The following ADGRL3 variants were observed in gnomAD, a reference collection of about 807,000 sequenced individuals.
The protein encoded by ADGRL3 is adhesion G protein-coupled receptor L3.
In ADGRL3, 62 loss-of-function variants were observed where a neutral mutation model predicts 153.5. The observed-to-expected ratio is 0.40, with a 90% CI of 0.33 to 0.50. ADGRL3 has a LOEUF of 0.50. Ranked by LOEUF, ADGRL3 falls within the 20% of genes least tolerant of loss-of-function variation. The pLI is 0.47. For synonymous variants in ADGRL3, 710 were observed against 672.5 expected, an observed-to-expected ratio of 1.06 and a Z score of -0.86; for missense variants, 1,641 against 1,859.4, an observed-to-expected ratio of 0.88 and a Z score of 2.16.
At chr4:61,828,154 C>T (rs2097830359) in intron 9 of ADGRL3, among the ~76,000 whole-genome samples, 1 of 152,154 alleles carries the variant, frequency 6.6e-6, no homozygotes, top group Non-Finnish European at 1.5e-5. Context: ...CACCTCTGGT[C>T]ACCAAATGGT....
At position 61,719,988 on chromosome 4, in the gene ADGRL3, A is replaced by T. The variant is rs144509572; in HGVS notation, c.584-10634A>T. On this transcript the variant is annotated intron_variant, in intron 6 of 26. Coordinates refer to ENST00000683033, the MANE Select transcript of ADGRL3 (RefSeq NM_001387552.1). Reference sequence around the variant, plus strand: ...TTGTGCCTTGTAAGTCTGGAATGTGATACTGCCTTAAATGATGTCCAAGAA... The same window carrying T: ...TTGTGCCTTGTAAGTCTGGAATGTGTTACTGCCTTAAATGATGTCCAAGAA... Among the ~76,000 whole-genome samples the T allele has an allele frequency of 3.9e-3, 588 of 152,164 alleles. 5 individuals carry two copies. The highest frequency in any genetic ancestry group is 0.013 in the African/African-American group (551 of 41,502).
chr4:61,476,282 C>G (rs936406049), intron 2 of ADGRL3, among the ~76,000 whole-genome samples: 1 of 151,772 alleles, frequency 6.6e-6, no homozygotes. Context: ...TGGAGTGCAG[C>G]GGGTGGACGA....
intron 1 of ADGRL3, among the ~76,000 whole-genome samples, chr4:61,264,467 A>G (rs1431761339): frequency 6.6e-6 from 1 of 152,046 alleles, no homozygotes; most frequent in Non-Finnish European, 1.5e-5. Flanking sequence ...TTTGACATAT[A>G]GTAAGTGTAT....
At chr4:61,265,941 G>A (rs1337582428) in intron 1 of ADGRL3, among the ~76,000 whole-genome samples, 1 of 151,842 alleles carries the variant, frequency 6.6e-6, no homozygotes, top group Non-Finnish European at 1.5e-5. Context: ...TGGGGAAAAT[G>A]ATCTACAGTG....
chr4:61,620,943 G>T (rs1406863172), intron 5 of ADGRL3, among the ~76,000 whole-genome samples: 1 of 151,906 alleles, frequency 6.6e-6, no homozygotes, highest in Non-Finnish European at 1.5e-5. Context: ...CCAGCCAATT[G>T]TGACCTTTTT....
chr4:61,342,613 T>C (rs1473063596), intron 1 of ADGRL3, among the ~76,000 whole-genome samples: 1 of 152,160 alleles, frequency 6.6e-6, no homozygotes, highest in East Asian at 1.9e-4. Context: ...TTTGAGACTC[T>C]TGCCATCTGG....
intron 1 of ADGRL3, among the ~76,000 whole-genome samples, chr4:61,268,502 C>G (rs1345731721): frequency 2.6e-5 from 4 of 151,240 alleles, no homozygotes; most frequent in African/African-American, 9.7e-5. Flanking sequence ...TGGGCCTCAG[C>G]CATTTATTTG....
At chr4:61,276,313 A>G (rs2093457029) in intron 1 of ADGRL3, among the ~76,000 whole-genome samples, 1 of 152,028 alleles carries the variant, frequency 6.6e-6, no homozygotes, top group Admixed American at 6.6e-5. Flanking sequence ...AACCATTTGT[A>G]TTTCTGTCTG....
At chr4:61,622,858 C>A (rs185726202) in intron 5 of ADGRL3, among the ~76,000 whole-genome samples, 2 of 152,250 alleles carry the variant, frequency 1.3e-5, no homozygotes, top group Admixed American at 6.5e-5. Flanking sequence ...ACATTCTACT[C>A]CTTTCTCCTC....
intron 2 of ADGRL3, among the ~76,000 whole-genome samples, chr4:61,399,134 C>T (rs182815106): frequency 3.3e-5 from 5 of 151,646 alleles, no homozygotes; most frequent in Admixed American, 1.3e-4. Flanking sequence ...TGGAATCAGA[C>T]GTTACTAAAA....
chr4:61,750,509 C>G (rs923917527), intron 8 of ADGRL3, among the ~76,000 whole-genome samples: 1 of 152,028 alleles, frequency 6.6e-6, no homozygotes, highest in Non-Finnish European at 1.5e-5. Context: ...GAACTGAAGT[C>G]GGCCGGGCGC....
chr4:61,449,445 A>T (rs572937497), intron 2 of ADGRL3, among the ~76,000 whole-genome samples: 2 of 147,972 alleles, frequency 1.4e-5, no homozygotes, highest in Admixed American at 6.8e-5. Context: ...TATTTTTTCC[A>T]TTTTTTTTTT....
chr4:62,014,562 A>C (rs2099202528), intron 21 of ADGRL3, among the ~76,000 whole-genome samples: 3 of 152,304 alleles, frequency 2.0e-5, no homozygotes, highest in Non-Finnish European at 1.5e-5. Context: ...ATCTTGGGCA[A>C]TAGAATCCCA....
chr4:61,481,433 T>A (rs1429639905), intron 2 of ADGRL3, among the ~76,000 whole-genome samples: 1 of 152,084 alleles, frequency 6.6e-6, no homozygotes, highest in Non-Finnish European at 1.5e-5. Context: ...ACCATATATG[T>A]ACATGTCCTT....
At chr4:61,616,829 T>A (rs897420903) in intron 5 of ADGRL3, among the ~76,000 whole-genome samples, 1 of 151,222 alleles carries the variant, frequency 6.6e-6, no homozygotes, top group East Asian at 1.9e-4. Flanking sequence ...TTTTTTTAAC[T>A]TTTTTTTTAG....
chr4:61,212,628 A>T (rs571868980), intron 1 of ADGRL3, among the ~76,000 whole-genome samples: 1 of 152,292 alleles, frequency 6.6e-6, no homozygotes, highest in Admixed American at 6.5e-5. Flanking sequence ...TTATTATTTT[A>T]CTTTTCATGT....
At chr4:61,402,386 A>G (rs1381005513) in intron 2 of ADGRL3, among the ~76,000 whole-genome samples, 1 of 152,114 alleles carries the variant, frequency 6.6e-6, no homozygotes, top group African/African-American at 2.4e-5. Context: ...TCCATTCCCC[A>G]TTTTGAAATT....
intron 1 of ADGRL3, among the ~76,000 whole-genome samples, chr4:61,291,695 T>C (rs1222728673): frequency 1.3e-5 from 2 of 149,390 alleles, no homozygotes; most frequent in Non-Finnish European, 3.0e-5. Context: ...AATGGTTTAA[T>C]ACAGAAGCTG....
At chr4:61,674,082 A>G (rs2095100680) in intron 5 of ADGRL3, among the ~76,000 whole-genome samples, 1 of 151,324 alleles carries the variant, frequency 6.6e-6, no homozygotes, top group Non-Finnish European at 1.5e-5. Context: ...TTTCTTACAT[A>G]TAGATAAATA....
Sources: allele counts gnomAD v4.1 joint callset (sites outside exome capture counted in the v4.1 genomes callset), GRCh38; gene constraint gnomAD v4.1.1; transcripts MANE v1.5; gene names NCBI Gene and HGNC (gene_info 2026-07-23, HGNC 2026-07-21).